PACSIN2: variants seen among roughly 807,000 people sequenced by gnomAD.
PACSIN2 encodes protein kinase C and casein kinase substrate in neurons protein 2.
PACSIN2 carries 25 observed loss-of-function variants against 63.8 expected under a neutral mutation model. That is an observed-to-expected ratio of 0.39 (90% CI 0.29 to 0.55). PACSIN2 has a LOEUF of 0.55. Ranked by LOEUF, PACSIN2 falls within the 20% of genes least tolerant of loss-of-function variation. The pLI is 0.62. For synonymous variants in PACSIN2, 255 were observed against 256.2 expected (o/e 1.00, Z 0.05); for missense variants, 518 against 646.9 (o/e 0.80, Z 2.16).
chr22:42,960,079 C>T (rs1455575975), intron 1 of PACSIN2, among the ~76,000 whole-genome samples: 1 of 152,156 alleles, frequency 6.6e-6, no homozygotes, highest in African/African-American at 2.4e-5. Flanking sequence ...CACGGAAAAT[C>T]AGGGAGAAGA....
intron 1 of PACSIN2, among the ~76,000 whole-genome samples, chr22:43,000,843 G>A (rs1002608407): frequency 1.3e-5 from 2 of 152,224 alleles, no homozygotes; most frequent in Non-Finnish European, 2.9e-5. Flanking sequence ...GTGTGGCACT[G>A]CCGTGATCCA....
chr22:43,011,096 A>C (rs577245061), intron 1 of PACSIN2, among the ~76,000 whole-genome samples: 2 of 152,354 alleles, frequency 1.3e-5, no homozygotes, highest in South Asian at 4.1e-4. Flanking sequence ...AACTATCCCA[A>C]GAACCACCAC....
At chr22:42,891,459 G>C (rs898035688) in intron 3 of PACSIN2, among the ~76,000 whole-genome samples, 1 of 152,164 alleles carries the variant, frequency 6.6e-6, no homozygotes, top group African/African-American at 2.4e-5. Context: ...GGAGTGCAGA[G>C]ACGTGATCTT....
chr22:42,870,028 A>C lies in PACSIN2; in HGVS notation c.*1329T>G, dbSNP rs1017327101. 2 of 150,528 alleles carry C rather than the reference A, an allele frequency of 1.3e-5. No homozygotes were observed. Among genetic ancestry groups the C allele is most frequent in the African/African-American group, 2.4e-5 (1 of 40,936 alleles). 9.3% of individuals were successfully genotyped at this position (150,528 alleles called of 1,614,324 possible). The stretch of plus-strand genomic sequence containing the variant: ...AGTCACGTGAAACACAGGTTCCCCC[A>C]CGTTCCCCCCACCCCCGCCGGCCCG... On this transcript the variant is annotated 3_prime_UTR_variant, in exon 11 of 11. Transcript: ENST00000263246.
chr22:42,973,652 C>A (rs866717206), intron 1 of PACSIN2, among the ~76,000 whole-genome samples: 4 of 152,356 alleles, frequency 2.6e-5, no homozygotes, highest in Middle Eastern at 6.8e-3. Context: ...CACACTTGTG[C>A]CACGCATGGC....
chr22:42,976,960 C>T (rs1381699839), intron 1 of PACSIN2, among the ~76,000 whole-genome samples: 1 of 152,166 alleles, frequency 6.6e-6, no homozygotes, highest in Non-Finnish European at 1.5e-5. Context: ...TTATGCTATC[C>T]TTGCATTGCT....
chr22:43,009,865 A>ATTTT (rs898985902), intron 1 of PACSIN2, among the ~76,000 whole-genome samples: 8 of 75,614 alleles, frequency 1.1e-4, no homozygotes, highest in Non-Finnish European at 1.5e-4. Context: ...TATTTTTTCT[A>ATTTT]TTTTTTTTTT....
chr22:42,973,959 C>G (rs751157686), intron 1 of PACSIN2, among the ~76,000 whole-genome samples: 3 of 152,228 alleles, frequency 2.0e-5, no homozygotes, highest in Non-Finnish European at 4.4e-5. Flanking sequence ...TAACTTGTAG[C>G]CTGATACAAA....
intron 5 of PACSIN2, among the ~76,000 whole-genome samples, chr22:42,886,384 T>G (rs1929477316): frequency 6.6e-6 from 1 of 152,220 alleles, no homozygotes; most frequent in East Asian, 1.9e-4. Flanking sequence ...AACATGAAAG[T>G]ACATGTGCAA....
At chr22:42,882,827 G>A (rs926910575) in intron 6 of PACSIN2, among the ~76,000 whole-genome samples, 1 of 152,114 alleles carries the variant, frequency 6.6e-6, no homozygotes, top group African/African-American at 2.4e-5. Flanking sequence ...AAGCTGCCCT[G>A]CCAGGGAAGA....
intron 2 of PACSIN2, among the ~76,000 whole-genome samples, chr22:42,903,715 T>C (rs553346220): frequency 5.3e-5 from 8 of 152,280 alleles, no homozygotes; most frequent in African/African-American, 1.9e-4. Context: ...GCTATTTACC[T>C]TGCAGGGCCC....
At chr22:42,938,111 C>A (rs1158351290) in intron 1 of PACSIN2, among the ~76,000 whole-genome samples, 1 of 152,154 alleles carries the variant, frequency 6.6e-6, no homozygotes, top group African/African-American at 2.4e-5. Context: ...AATTTAAAAT[C>A]TTTTTGAAAC....
At chr22:43,006,693 T>C (rs1924112438) in intron 1 of PACSIN2, among the ~76,000 whole-genome samples, 1 of 152,112 alleles carries the variant, frequency 6.6e-6, no homozygotes, top group Admixed American at 6.6e-5. Context: ...CGCATGCCTA[T>C]AATCCCAGCT....
At chr22:42,932,799 G>A (rs1932808598) in intron 1 of PACSIN2, among the ~76,000 whole-genome samples, 1 of 150,376 alleles carries the variant, frequency 6.6e-6, no homozygotes, top group Non-Finnish European at 1.5e-5. Context: ...TGGCCAGCTT[G>A]TAGAGCCACT....
Position 42,893,359 on chromosome 22 carries a change from GAC to G in PACSIN2, c.217+96_217+97del, listed in dbSNP as rs1930048266. On this transcript the variant is annotated intron_variant, in intron 3 of 10. Transcript: ENST00000263246. The stretch of plus-strand genomic sequence containing the variant: ...ATGCACTCTTGCCCCAATCTTAAAA[GAC>G]AGAAAACTGGCATAGAGAGGGTCAC... 3.1e-6 allele frequency: 4 copies of G among 1,282,710 alleles called. No homozygotes were observed. In the South Asian group the frequency reaches 3.6e-5, roughly 12 times the overall value. 79.5% of individuals were successfully genotyped at this position (1,282,710 alleles called of 1,614,324 possible).
intron 2 of PACSIN2, among the ~76,000 whole-genome samples, chr22:42,897,873 AG>A (rs1383591503): frequency 6.6e-6 from 1 of 152,248 alleles, no homozygotes; most frequent in Admixed American, 6.5e-5. Flanking sequence ...GGCAAAAGGA[AG>A]GTGTGTCCAC....
In PACSIN2 at chr22:42,882,322, G is replaced by A. The variant is rs773422206; in HGVS notation, c.786-18C>T. ...CTTTGTAGCTAAATCAGAGAGAAAC[G>A]TGGCTCTTTTAGAAGGCAGGGGCCA... On this transcript the variant is annotated intron_variant, in intron 6 of 10. Coordinates refer to ENST00000263246, the MANE Select transcript of PACSIN2 (RefSeq NM_001184970.3). The A allele has an allele frequency of 1.1e-5, 17 of 1,598,618 alleles. No homozygotes were observed. The East Asian group carries it at 1.6e-4, about 15-fold the overall frequency.
chr22:42,989,496 C>A (rs965190971), intron 1 of PACSIN2, among the ~76,000 whole-genome samples: 10 of 96,714 alleles, frequency 1.0e-4, no homozygotes, highest in African/African-American at 3.9e-4. Context: ...GAAACTCCAT[C>A]CCCCTCAAAA....
chr22:42,973,574 C>T (rs1418735296), intron 1 of PACSIN2, among the ~76,000 whole-genome samples: 1 of 152,270 alleles, frequency 6.6e-6, no homozygotes, highest in Admixed American at 6.5e-5. Context: ...CATTTGATAG[C>T]TGCAAAGCTC....
Sources: allele counts gnomAD v4.1 joint callset (sites outside exome capture counted in the v4.1 genomes callset), GRCh38; gene constraint gnomAD v4.1.1; transcripts MANE v1.5; gene names NCBI Gene and HGNC (gene_info 2026-07-23, HGNC 2026-07-21).